The following ZNRF3 variants were observed in gnomAD, a reference collection of about 807,000 sequenced individuals.
ZNRF3 encodes the protein zinc and ring finger 3.
A neutral mutation model predicts 72.5 loss-of-function variants in ZNRF3; 23 were observed. The observed-to-expected ratio is 0.32, with a 90% CI of 0.23 to 0.45. ZNRF3 has a LOEUF of 0.45. Among genes scored for constraint, ZNRF3 ranks in the 20% least tolerant of loss-of-function variants. The pLI is 1.00. For missense variants in ZNRF3, 1,169 were observed against 1,272.1 expected (o/e 0.92, Z 1.23); for synonymous variants, 610 against 545.3 (o/e 1.12, Z -1.65).
intron 2 of ZNRF3, among the ~76,000 whole-genome samples, chr22:28,993,839 C>T (rs893054078): frequency 2.6e-5 from 4 of 152,192 alleles, no homozygotes; most frequent in Non-Finnish European, 4.4e-5. Flanking sequence ...TGTGCCACCA[C>T]ACCTAGCTAG....
intron 2 of ZNRF3, among the ~76,000 whole-genome samples, chr22:29,010,168 C>T (rs1275412791): frequency 6.6e-6 from 1 of 152,056 alleles, no homozygotes; most frequent in East Asian, 1.9e-4. Flanking sequence ...CTCGGCCGCC[C>T]AAAGTGCTGG....
At chr22:28,884,625 G>A (rs1176893329) in intron 1 of ZNRF3, among the ~76,000 whole-genome samples, 2 of 152,326 alleles carry the variant, frequency 1.3e-5, no homozygotes, top group Middle Eastern at 3.4e-3. Flanking sequence ...AGGAGGCGGA[G>A]CTGGTCGAGG....
chr22:28,884,790 A>G (rs1437961896), intron 1 of ZNRF3, among the ~76,000 whole-genome samples: 1 of 152,192 alleles, frequency 6.6e-6, no homozygotes, highest in Admixed American at 6.5e-5. Flanking sequence ...TCTCACTGAC[A>G]GGACCTCCAC....
At chr22:28,939,130 C>A (rs1332474594) in intron 1 of ZNRF3, among the ~76,000 whole-genome samples, 1 of 151,936 alleles carries the variant, frequency 6.6e-6, no homozygotes, top group East Asian at 1.9e-4. Context: ...ACTAATAATA[C>A]CAAAATTAGC....
intron 1 of ZNRF3, among the ~76,000 whole-genome samples, chr22:28,923,579 G>A (rs1011478319): frequency 4.4e-4 from 66 of 151,244 alleles, no homozygotes; most frequent in African/African-American, 1.3e-3. Context: ...TGTACACACC[G>A]TCCCTCCATA....
chr22:29,020,617 G>A (rs1346425734), intron 2 of ZNRF3, among the ~76,000 whole-genome samples: 2 of 151,868 alleles, frequency 1.3e-5, no homozygotes, highest in African/African-American at 4.8e-5. Context: ...TGAATGCACG[G>A]ATGTGAAACC....
chr22:28,991,035 A>C (rs2123831862), intron 2 of ZNRF3, among the ~76,000 whole-genome samples: 1 of 152,068 alleles, frequency 6.6e-6, no homozygotes, highest in South Asian at 2.1e-4. Context: ...TAATCCTAGT[A>C]CTGTGGGAGG....
intron 2 of ZNRF3, among the ~76,000 whole-genome samples, chr22:29,005,594 G>A (rs533684520): frequency 2.0e-5 from 3 of 152,346 alleles, no homozygotes; most frequent in Non-Finnish European, 2.9e-5. Flanking sequence ...TGCAGCTGGG[G>A]TGGTGAGGGT....
Position 28,895,646 on chromosome 22 carries a change from G to A in ZNRF3, c.300+11580G>A, listed in dbSNP as rs563234816. On this transcript the variant is annotated intron_variant, in intron 1 of 8. Coordinates refer to ENST00000544604, the MANE Select transcript of ZNRF3 (RefSeq NM_001206998.2). The stretch of plus-strand genomic sequence containing the variant: ...TGCGCCACTGCACTCCAGCCTGGGC[G>A]ACAGAGCGAGACTCCGTCTCAAAAA... Among the ~76,000 whole-genome samples the A allele has an allele frequency of 4.4e-3, 668 of 152,220 alleles. 4 individuals are homozygous for A. Among genetic ancestry groups the A allele is most frequent in the Non-Finnish European group, 6.5e-3 (440 of 68,002 alleles).
intron 1 of ZNRF3, among the ~76,000 whole-genome samples, chr22:28,969,980 A>G (rs923005442): frequency 1.3e-5 from 2 of 152,132 alleles, no homozygotes; most frequent in African/African-American, 4.8e-5. Flanking sequence ...AGCAAGGATG[A>G]CTCCAAGGAA....
chr22:28,937,193 ATATATATATATATATATATATATTTTTTT>A (rs1463582957), intron 1 of ZNRF3, among the ~76,000 whole-genome samples: 576 of 21,700 alleles, frequency 0.027, 9 homozygotes, highest in East Asian at 0.2. Context: ...ATATATATAT[ATATATATATATATATATATATATTTTTTT>A]TTTTTTTTTT....
At chr22:28,911,519 A>G (rs1323952353) in intron 1 of ZNRF3, among the ~76,000 whole-genome samples, 2 of 152,216 alleles carry the variant, frequency 1.3e-5, no homozygotes, top group Admixed American at 6.5e-5. Flanking sequence ...TGTTCTAGTG[A>G]CAACCTTGAA....
intron 1 of ZNRF3, among the ~76,000 whole-genome samples, chr22:28,968,966 G>C (rs2035523898): frequency 6.6e-6 from 1 of 151,992 alleles, no homozygotes; most frequent in Non-Finnish European, 1.5e-5. Context: ...GACATGTCAG[G>C]ACCACCAGGA....
intron 1 of ZNRF3, among the ~76,000 whole-genome samples, chr22:28,906,985 C>CTTTTT (rs1367720454): frequency 7.1e-6 from 1 of 140,420 alleles, no homozygotes; most frequent in Non-Finnish European, 1.6e-5. Context: ...TTCTTTCTTT[C>CTTTTT]TTTTTTTTTT....
chr22:28,984,312 T>C lies in ZNRF3; in HGVS notation c.301-2764T>C, dbSNP rs562711906. 4.1e-3 allele frequency among the ~76,000 whole-genome samples: 631 copies of C among 152,278 alleles called. 1 individual carries two copies. The highest frequency in any genetic ancestry group is 6.3e-3 in the Non-Finnish European group (431 of 68,030). On this transcript the variant is annotated intron_variant, in intron 1 of 8. Transcript: ENST00000544604. ...TACCCATTGAACAGTCACTCCTTAT[T>C]TGCCCCTCCCTGCTGCCCTTGGCAA...
intron 1 of ZNRF3, among the ~76,000 whole-genome samples, chr22:28,916,534 T>C (rs1388447712): frequency 6.6e-6 from 1 of 152,218 alleles, no homozygotes; most frequent in Non-Finnish European, 1.5e-5. Context: ...ATTGCCCTTG[T>C]GCACCAAAAA....
At chr22:29,016,172 A>G (rs956957113) in intron 2 of ZNRF3, among the ~76,000 whole-genome samples, 1 of 152,206 alleles carries the variant, frequency 6.6e-6, no homozygotes, top group Admixed American at 6.5e-5. Flanking sequence ...GCAGACCTGC[A>G]CAGTGTATCG....
intron 1 of ZNRF3, among the ~76,000 whole-genome samples, chr22:28,918,019 G>T (rs1405828949): frequency 7.2e-5 from 11 of 152,232 alleles, no homozygotes; most frequent in Admixed American, 7.2e-4. Flanking sequence ...TGAACCTCTA[G>T]CCTGGGAGGG....
intron 2 of ZNRF3, among the ~76,000 whole-genome samples, chr22:28,989,532 G>T (rs575577484): frequency 6.6e-6 from 1 of 152,180 alleles, no homozygotes. Flanking sequence ...GGGCAGCTTA[G>T]TCCCTGCAGA....
Sources: allele counts gnomAD v4.1 joint callset (sites outside exome capture counted in the v4.1 genomes callset), GRCh38; gene constraint gnomAD v4.1.1; transcripts MANE v1.5; gene names NCBI Gene and HGNC (gene_info 2026-07-23, HGNC 2026-07-21).